RCAN2: variants seen among roughly 807,000 people sequenced by gnomAD.
The protein encoded by RCAN2 is regulator of calcineurin 2.
A neutral mutation model predicts 23.6 loss-of-function variants in RCAN2; 9 were observed. That is an observed-to-expected ratio of 0.38 (90% CI 0.23 to 0.67). The LOEUF (loss-of-function observed/expected upper bound fraction) is 0.67. Among genes scored for constraint, RCAN2 ranks in the 30% least tolerant of loss-of-function variants. RCAN2 has a pLI of 0.51. For synonymous variants in RCAN2, 109 were observed against 115.7 expected (o/e 0.94, Z 0.37); for missense variants, 273 against 302.3 (o/e 0.90, Z 0.72).
chr6:46,232,687 G>C (rs148514339), intron 4 of RCAN2, among the ~76,000 whole-genome samples: 1 of 151,470 alleles, frequency 6.6e-6, no homozygotes, highest in East Asian at 1.9e-4. Context: ...CAGCTACTGC[G>C]GAGGCTGAGG....
chr6:46,329,689 T>G (rs1269321457), intron 2 of RCAN2, among the ~76,000 whole-genome samples: 2 of 152,174 alleles, frequency 1.3e-5, no homozygotes, highest in East Asian at 3.9e-4. Flanking sequence ...CTCTGAGAGC[T>G]GAGTCCTGGC....
chr6:46,473,318 A>G (rs868476946), intron 1 of RCAN2, among the ~76,000 whole-genome samples: 30 of 152,270 alleles, frequency 2.0e-4, no homozygotes, highest in Non-Finnish European at 2.8e-4. Flanking sequence ...CTTAATATCA[A>G]GAATGGCATC....
chr6:46,356,898 A>C (rs1027813068), intron 2 of RCAN2, among the ~76,000 whole-genome samples: 3 of 152,232 alleles, frequency 2.0e-5, no homozygotes, highest in African/African-American at 7.2e-5. Context: ...AGGGGGCTAA[A>C]GGACCTATCA....
chr6:46,305,347 T>C (rs758310643), intron 2 of RCAN2, among the ~76,000 whole-genome samples: 1 of 152,044 alleles, frequency 6.6e-6, no homozygotes, highest in Non-Finnish European at 1.5e-5. Context: ...TTCCACAGAA[T>C]CCAGCAGATA....
chr6:46,305,633 A>G (rs982939168), intron 2 of RCAN2, among the ~76,000 whole-genome samples: 8 of 152,154 alleles, frequency 5.3e-5, no homozygotes, highest in Admixed American at 1.3e-4. Context: ...TTACTAGAAA[A>G]GGCATAATTA....
chr6:46,391,803 G>A (rs1765945636), intron 2 of RCAN2, among the ~76,000 whole-genome samples: 1 of 152,142 alleles, frequency 6.6e-6, no homozygotes, highest in Non-Finnish European at 1.5e-5. Context: ...GGGGTGACAA[G>A]GCAGAGTGTG....
intron 4 of RCAN2, among the ~76,000 whole-genome samples, chr6:46,224,416 G>T (rs1215679888): frequency 1.3e-5 from 2 of 152,182 alleles, no homozygotes; most frequent in Non-Finnish European, 2.9e-5. Context: ...TTGTAGTCTA[G>T]CACAGAAGAC....
At chr6:46,282,939 T>C (rs1762249889) in intron 2 of RCAN2, among the ~76,000 whole-genome samples, 1 of 152,198 alleles carries the variant, frequency 6.6e-6, no homozygotes, top group South Asian at 2.1e-4. Flanking sequence ...TATTCTAAAC[T>C]TTCATTCCAG....
At chr6:46,437,636 A>AG (rs1767412278) in intron 2 of RCAN2, among the ~76,000 whole-genome samples, 1 of 152,218 alleles carries the variant, frequency 6.6e-6, no homozygotes, top group South Asian at 2.1e-4. Context: ...CAATCGTCTC[A>AG]GGAAAAACCT....
At chr6:46,400,346 T>C (rs1008968470) in intron 2 of RCAN2, among the ~76,000 whole-genome samples, 2 of 152,118 alleles carry the variant, frequency 1.3e-5, no homozygotes, top group African/African-American at 4.8e-5. Flanking sequence ...GGACCAGAGA[T>C]CCAATACTGG....
In RCAN2 at chr6:46,221,698, T is replaced by C. The variant is rs1217448721; in HGVS notation, c.*1443A>G. ...AAACCACAACAATCCCTCAATCTGT[T>C]TGCTGTGTTATTGTTCTTGTGTGTT... is the stretch of plus-strand genomic sequence containing the variant. On this transcript the variant is annotated 3_prime_UTR_variant, in exon 5 of 5. Coordinates refer to ENST00000371374, the MANE Select transcript of RCAN2 (RefSeq NM_001251974.2). The C allele has an allele frequency of 2.6e-6, 1 of 379,770 alleles. No homozygotes were observed. Among genetic ancestry groups the C allele is most frequent in the African/African-American group, 2.1e-5 (1 of 48,206 alleles). 23.5% of individuals were successfully genotyped at this position (379,770 alleles called of 1,614,324 possible). A position where few individuals can be genotyped will look rare whatever the true frequency, so the allele number is the denominator to read the frequency against.
In RCAN2 at chr6:46,432,724, C is replaced by G. The variant is rs16874604; in HGVS notation, c.225+24028G>C. Among the ~76,000 whole-genome samples, 927 of 152,118 alleles carry G rather than the reference C, an allele frequency of 6.1e-3. 19 individuals are homozygous for G. The highest frequency in any genetic ancestry group is 0.06 in the East Asian group (313 of 5,174). ...GAAGATATTAGCAACTCAAAAATCC[C>G]TATTTGTGATGATAAGCAACTTAGC... On this transcript the variant is annotated intron_variant, in intron 2 of 4. Coordinates refer to ENST00000371374, the MANE Select transcript of RCAN2 (RefSeq NM_001251974.2).
chr6:46,489,147 C>T (rs1769070914), intron 1 of RCAN2, among the ~76,000 whole-genome samples: 1 of 152,136 alleles, frequency 6.6e-6, no homozygotes, highest in African/African-American at 2.4e-5. Flanking sequence ...TATGCTGTTC[C>T]TTCAGTGTGG....
chr6:46,427,262 T>C (rs960538695), intron 2 of RCAN2, among the ~76,000 whole-genome samples: 2 of 152,202 alleles, frequency 1.3e-5, no homozygotes, highest in Non-Finnish European at 2.9e-5. Flanking sequence ...TAGTGTGCCA[T>C]AGGAACTGTT....
chr6:46,353,782 A>T (rs1764740030), intron 2 of RCAN2, among the ~76,000 whole-genome samples: 1 of 152,236 alleles, frequency 6.6e-6, no homozygotes, highest in Non-Finnish European at 1.5e-5. Context: ...TGATTTATTT[A>T]CAGAGAACAG....
At chr6:46,335,946 A>G (rs1335501197) in intron 2 of RCAN2, among the ~76,000 whole-genome samples, 1 of 152,238 alleles carries the variant, frequency 6.6e-6, no homozygotes, top group African/African-American at 2.4e-5. Flanking sequence ...CATAGGCCCC[A>G]TTTAGAGATG....
intron 2 of RCAN2, among the ~76,000 whole-genome samples, chr6:46,254,676 G>A (rs537092298): frequency 7.8e-4 from 118 of 152,136 alleles, no homozygotes; most frequent in Non-Finnish European, 1.2e-3. Context: ...AACAAAGAGG[G>A]AGAGAGAAGA....
chr6:46,475,092 T>C (rs529286337), intron 1 of RCAN2, among the ~76,000 whole-genome samples: 30 of 152,338 alleles, frequency 2.0e-4, no homozygotes, highest in Non-Finnish European at 1.8e-4. Context: ...ATAAGAATCT[T>C]AGAGGGAAGC....
At chr6:46,297,618 C>A (rs978701412) in intron 2 of RCAN2, among the ~76,000 whole-genome samples, 2 of 152,046 alleles carry the variant, frequency 1.3e-5, no homozygotes, top group Non-Finnish European at 2.9e-5. Flanking sequence ...CCATGAAGGA[C>A]CAAATTAAAT....
Sources: gnomAD v4.1 joint callset for allele counts (sites outside exome capture counted in the v4.1 genomes callset) on GRCh38, gnomAD v4.1.1 for gene constraint, MANE v1.5 for transcripts, NCBI Gene and HGNC (gene_info 2026-07-23, HGNC 2026-07-21) for gene names.